The following PTGIS variants were observed in gnomAD, a reference collection of about 807,000 sequenced individuals.
PTGIS encodes prostacyclin synthase.
A neutral mutation model predicts 50.3 loss-of-function variants in PTGIS; 45 were observed. That is an observed-to-expected ratio of 0.90 (90% CI 0.70 to 1.15). The LOEUF (loss-of-function observed/expected upper bound fraction) is 1.15. Ranked by LOEUF, PTGIS falls within the 50% of genes most tolerant of loss-of-function variation. PTGIS has a pLI of 0.00. For synonymous variants in PTGIS, 260 were observed against 267.7 expected, an observed-to-expected ratio of 0.97 and a Z score of 0.28; for missense variants, 668 against 661.3, an observed-to-expected ratio of 1.01 and a Z score of -0.11.
At position 49,524,106 on chromosome 20, in the gene PTGIS, T is replaced by TG; in HGVS notation, c.806dup (p.Glu270ArgfsTer35). The TG allele has an allele frequency of 6.2e-7, 1 of 1,614,232 alleles. No individual in the cohort carries two copies. Among genetic ancestry groups the TG allele is most frequent in the Admixed American group, 1.7e-5 (1 of 60,032 alleles). On this transcript the variant is annotated frameshift_variant, in exon 6 of 10. Coordinates refer to ENST00000244043, the MANE Select transcript of PTGIS (RefSeq NM_000961.4). LOFTEE classifies it high-confidence loss of function. Reference sequence around the variant, plus strand: ...CCAGGGCCCGTGCCTGCATCTCCTCTGACACACCCATCTCCTCCAGGTGCA... The same window carrying TG: ...CCAGGGCCCGTGCCTGCATCTCCTCTGGACACACCCATCTCCTCCAGGTGCA...
Position 49,539,561 on chromosome 20 carries a change from G to A in PTGIS, c.673+9C>T. The A allele has an allele frequency of 6.2e-7, 1 of 1,613,064 alleles. No individual in the cohort carries two copies. Among genetic ancestry groups the A allele is most frequent in the Non-Finnish European group, 8.5e-7 (1 of 1,179,602 alleles). ...CCCCCCCACCCACTGGGGCCCCCAT[G>A]GTGCTTACCCACTGACAGGGAGCCA... On this transcript the variant is annotated intron_variant, in intron 5 of 9. Transcript: ENST00000244043.
intron 5 of PTGIS, among the ~76,000 whole-genome samples, chr20:49,529,083 C>T (rs898324268): frequency 1.3e-5 from 2 of 152,272 alleles, no homozygotes; most frequent in South Asian, 4.1e-4. Flanking sequence ...TGCAATCAAG[C>T]TAATTAGCAT....
intron 1 of PTGIS, among the ~76,000 whole-genome samples, chr20:49,550,785 C>A (rs1264830554): frequency 1.3e-5 from 2 of 152,232 alleles, no homozygotes; most frequent in Admixed American, 1.3e-4. Context: ...GTATTACTTG[C>A]TTCCAACAAG....
chr20:49,505,230 C>A lies in PTGIS; in HGVS notation c.*2690G>T, dbSNP rs539630143. 6.6e-6 allele frequency: 1 copy of A among 151,720 alleles called. No homozygotes were observed. The highest frequency in any genetic ancestry group is 2.4e-5 in the African/African-American group (1 of 41,262). The allele number at this position is 151,720 out of a possible 1,614,324, so 9.4% of individuals were successfully genotyped here. On this transcript the variant is annotated 3_prime_UTR_variant, in exon 10 of 10. Coordinates refer to ENST00000244043, the MANE Select transcript of PTGIS (RefSeq NM_000961.4). ...ATGTCCAGTAATTTTGATTCTTAAG[C>A]AAGGGATGAAGAAATACAATGGCAT...
rs1284223532 is a variant in PTGIS at position 49,507,018 on chromosome 20, G to C, written c.*902C>G. ...TCTCCCAAAGATGATAACAACTAAG[G>C]CATTTTTTTAAGTGAAGTCCAAACA... On this transcript the variant is annotated 3_prime_UTR_variant, in exon 10 of 10. Coordinates refer to ENST00000244043, the MANE Select transcript of PTGIS (RefSeq NM_000961.4). 6.6e-6 allele frequency: 1 copy of C among 152,098 alleles called. No individual in the cohort carries two copies. Among genetic ancestry groups the C allele is most frequent in the Non-Finnish European group, 1.5e-5 (1 of 68,034 alleles). The allele number at this position is 152,098 out of a possible 1,614,324, so 9.4% of individuals were successfully genotyped here. A position where few individuals can be genotyped will look rare whatever the true frequency, so the allele number is the denominator to read the frequency against.
At chr20:49,531,622 C>T (rs1426149496) in intron 5 of PTGIS, among the ~76,000 whole-genome samples, 1 of 151,998 alleles carries the variant, frequency 6.6e-6, no homozygotes, top group African/African-American at 2.4e-5. Flanking sequence ...GTACAATTTG[C>T]TATTTTGTTG....
intron 1 of PTGIS, among the ~76,000 whole-genome samples, chr20:49,552,093 T>G (rs1982524864): frequency 6.6e-6 from 1 of 151,994 alleles, no homozygotes; most frequent in Non-Finnish European, 1.5e-5. Flanking sequence ...ACCCTAAGAG[T>G]GTAAAAAGAC....
At chr20:49,510,969 G>A (rs568126053) in intron 9 of PTGIS, 59 bp downstream of exon 9, 3 of 1,551,718 alleles carry the variant, frequency 1.9e-6, no homozygotes, top group South Asian at 1.1e-5. Flanking sequence ...AGGAGAGAAG[G>A]GCGCCTGCCA....
At chr20:49,514,487 A>T in intron 6 of PTGIS, 92 bp from the exon 7 acceptor site, 1 of 1,466,838 alleles carries the variant, frequency 6.8e-7, no homozygotes, top group Non-Finnish European at 9.3e-7. Flanking sequence ...CAGAGGGGCC[A>T]GTAGGCCTGG....
chr20:49,523,332 AAG>A (rs891008196), intron 6 of PTGIS, among the ~76,000 whole-genome samples: 5 of 152,140 alleles, frequency 3.3e-5, no homozygotes, highest in African/African-American at 7.2e-5. Context: ...CAGTGGGGAA[AAG>A]AGAGCATAAG....
At chr20:49,533,159 T>A (rs896252306) in intron 5 of PTGIS, among the ~76,000 whole-genome samples, 1 of 152,076 alleles carries the variant, frequency 6.6e-6, no homozygotes, top group African/African-American at 2.4e-5. Flanking sequence ...CCTCTCAAGT[T>A]TTTTCTGGGA....
intron 5 of PTGIS, among the ~76,000 whole-genome samples, chr20:49,533,309 C>T (rs977327509): frequency 6.6e-6 from 1 of 152,008 alleles, no homozygotes; most frequent in Non-Finnish European, 1.5e-5. Context: ...TATAAGAATG[C>T]CTTTTTCCCC....
intron 5 of PTGIS, among the ~76,000 whole-genome samples, chr20:49,533,932 A>T (rs2122868480): frequency 6.6e-6 from 1 of 152,234 alleles, no homozygotes; most frequent in East Asian, 1.9e-4. Context: ...CTGCACTCCA[A>T]CCTGGGCAAC....
At chr20:49,524,812 G>C (rs1002116040) in intron 5 of PTGIS, among the ~76,000 whole-genome samples, 2 of 152,084 alleles carry the variant, frequency 1.3e-5, no homozygotes, top group Non-Finnish European at 2.9e-5. Context: ...AGAACAGTAT[G>C]GGGGAAACCA....
chr20:49,510,386 C>T (rs113259353), intron 9 of PTGIS, among the ~76,000 whole-genome samples: 4 of 152,256 alleles, frequency 2.6e-5, no homozygotes, highest in African/African-American at 7.2e-5. Flanking sequence ...TACAATGAGC[C>T]AGACAGTGGG....
At chr20:49,527,877 T>C (rs1487848553) in intron 5 of PTGIS, among the ~76,000 whole-genome samples, 2 of 152,200 alleles carry the variant, frequency 1.3e-5, no homozygotes, top group African/African-American at 2.4e-5. Context: ...GGCTCACGCA[T>C]GTAATCCCAA....
At chr20:49,562,567 G>A (rs557133228) in intron 1 of PTGIS, among the ~76,000 whole-genome samples, 11 of 152,290 alleles carry the variant, frequency 7.2e-5, no homozygotes, top group East Asian at 5.8e-4. Context: ...CCCCACCCAC[G>A]GACACTCTCA....
chr20:49,543,967 A>C (rs192912566), intron 4 of PTGIS, among the ~76,000 whole-genome samples: 14 of 152,364 alleles, frequency 9.2e-5, no homozygotes, highest in Admixed American at 8.5e-4. Flanking sequence ...TAAGGTCCCA[A>C]GTTGATCTCC....
At position 49,504,578 on chromosome 20, in the gene PTGIS, CA is replaced by C. The variant is rs1981089611; in HGVS notation, c.*3341del. On this transcript the variant is annotated 3_prime_UTR_variant, in exon 10 of 10. Transcript: ENST00000244043. ...GCGTGGTGGTGTGCGCCTGTAATCT[CA>C]GCTACTTGGGAAGCTGAGGCAGAAG... is the stretch of plus-strand genomic sequence containing the variant. 6.6e-6 allele frequency: 1 copy of C among 151,900 alleles called. No individual in the cohort carries two copies. The highest frequency in any genetic ancestry group is 2.4e-5 in the African/African-American group (1 of 41,380). The allele number at this position is 151,900 out of a possible 1,614,324, so 9.4% of individuals were successfully genotyped here. A position where few individuals can be genotyped will look rare whatever the true frequency, so the allele number is the denominator to read the frequency against.
Sources: gnomAD v4.1 joint callset for allele counts (sites outside exome capture counted in the v4.1 genomes callset) on GRCh38, gnomAD v4.1.1 for gene constraint, MANE v1.5 for transcripts, NCBI Gene and HGNC (gene_info 2026-07-23, HGNC 2026-07-21) for gene names.